The following SHB variants were observed in gnomAD, a reference collection of about 807,000 sequenced individuals.
SHB encodes the protein SH2 domain containing adaptor protein B, also known as SH2 domain-containing adapter protein B.
Under a neutral mutation model 52.3 loss-of-function variants are expected in SHB, and 20 were observed. That is an observed-to-expected ratio of 0.38 (90% confidence interval 0.27 to 0.56). The LOEUF is 0.56. Ranked by LOEUF, SHB falls within the 20% of genes least tolerant of loss-of-function variation. The probability of loss-of-function intolerance (pLI) is 0.71; values close to 1 mark genes in which losing one functional copy is unlikely to be tolerated. For synonymous variants in SHB, 397 were observed against 316.5 expected (o/e 1.25, Z -2.70); for missense variants, 825 against 723.3 (o/e 1.14, Z -1.61).
At chr9:37,962,000 C>T (rs1414748066) in intron 3 of SHB, among the ~76,000 whole-genome samples, 4 of 152,214 alleles carry the variant, frequency 2.6e-5, no homozygotes, top group African/African-American at 4.8e-5. Context: ...AGTGACTCGA[C>T]TCACAGTTTA....
chr9:38,043,135 C>G (rs1366591465), intron 1 of SHB, among the ~76,000 whole-genome samples: 1 of 152,230 alleles, frequency 6.6e-6, no homozygotes, highest in Admixed American at 6.5e-5. Flanking sequence ...CTCCAAGTAG[C>G]CTGCCCAGAT....
At chr9:38,059,709 G>A (rs139788060) in intron 1 of SHB, among the ~76,000 whole-genome samples, 353 of 152,242 alleles carry the variant, frequency 2.3e-3, no homozygotes, top group African/African-American at 8.0e-3. Flanking sequence ...CCTTCCTGTA[G>A]ACTCCAGATT....
At chr9:37,946,054 C>T (rs556515895) in intron 5 of SHB, among the ~76,000 whole-genome samples, 3 of 152,306 alleles carry the variant, frequency 2.0e-5, no homozygotes, top group African/African-American at 7.2e-5. Flanking sequence ...ATAACACTGA[C>T]ACAGCACTGT....
chr9:37,929,370 T>C, intron 5 of SHB, among the ~76,000 whole-genome samples: 1 of 152,230 alleles, frequency 6.6e-6, no homozygotes, highest in East Asian at 1.9e-4. Context: ...TCCAGCTTAA[T>C]GCATTTTTAA....
At position 37,974,578 on chromosome 9, in the gene SHB, C is replaced by G. The variant is rs780539327; in HGVS notation, c.1054+44G>C. The G allele has an allele frequency of 3.2e-6, 5 of 1,546,362 alleles. No homozygotes were observed. The South Asian group carries it at 3.4e-5, about 10-fold the overall frequency. ...GGTGGGGACCAAGGTGAGTGCTGAG[C>G]GCAGCTCAGCAGCTGCCTCCTGAGC... On this transcript the variant is annotated intron_variant, in intron 3 of 5. Transcript: ENST00000377707.
At chr9:38,034,720 G>A (rs781751769) in intron 1 of SHB, among the ~76,000 whole-genome samples, 3 of 152,172 alleles carry the variant, frequency 2.0e-5, no homozygotes, top group Non-Finnish European at 4.4e-5. Context: ...TTATTGAGAC[G>A]CAGTCTCGCT....
At chr9:37,966,599 G>A (rs763647136) in intron 3 of SHB, among the ~76,000 whole-genome samples, 8 of 152,146 alleles carry the variant, frequency 5.3e-5, no homozygotes, top group Admixed American at 6.6e-5. Flanking sequence ...ATAGCAAAAA[G>A]CATTTGGTAC....
intron 2 of SHB, among the ~76,000 whole-genome samples, chr9:37,980,027 T>A (rs2117981741): frequency 6.6e-6 from 1 of 152,324 alleles, no homozygotes; most frequent in South Asian, 2.1e-4. Context: ...CTTGCTTTGA[T>A]GTTGCCGGCT....
chr9:38,053,682 C>G (rs531947185), intron 1 of SHB, among the ~76,000 whole-genome samples: 2 of 152,256 alleles, frequency 1.3e-5, no homozygotes, highest in South Asian at 4.2e-4. Context: ...TAGGTTCACT[C>G]TCTGAGGACC....
At chr9:38,002,803 C>A (rs1028209496) in intron 2 of SHB, among the ~76,000 whole-genome samples, 2 of 152,154 alleles carry the variant, frequency 1.3e-5, no homozygotes, top group African/African-American at 4.8e-5. Context: ...AGTACTAGAT[C>A]CTGCAGACTC....
chr9:38,012,214 G>A (rs1247074916), intron 2 of SHB, among the ~76,000 whole-genome samples: 1 of 152,144 alleles, frequency 6.6e-6, no homozygotes, highest in Non-Finnish European at 1.5e-5. Context: ...TGCCCAAGAC[G>A]GCTATGCTGG....
At chr9:37,950,910 C>T (rs749634664) in intron 4 of SHB, among the ~76,000 whole-genome samples, 2 of 152,224 alleles carry the variant, frequency 1.3e-5, no homozygotes, top group Non-Finnish European at 2.9e-5. Flanking sequence ...CTGCATTTTA[C>T]ATTACATTTC....
At chr9:38,037,473 C>A (rs1053631248) in intron 1 of SHB, among the ~76,000 whole-genome samples, 2 of 152,184 alleles carry the variant, frequency 1.3e-5, no homozygotes, top group Non-Finnish European at 2.9e-5. Context: ...TTCTATCTAA[C>A]CTCCAATGCT....
chr9:38,018,071 A>T (rs1457077959), intron 1 of SHB, among the ~76,000 whole-genome samples: 1 of 152,166 alleles, frequency 6.6e-6, no homozygotes, highest in African/African-American at 2.4e-5. Context: ...GTCTCTCTTC[A>T]ACATGAACAT....
At chr9:37,999,343 A>G (rs759846711) in intron 2 of SHB, among the ~76,000 whole-genome samples, 23 of 152,186 alleles carry the variant, frequency 1.5e-4, no homozygotes, top group Admixed American at 5.2e-4. Context: ...TCTCTCCTGC[A>G]AGGGGTGAAG....
intron 5 of SHB, among the ~76,000 whole-genome samples, chr9:37,934,656 T>C (rs1832348229): frequency 6.6e-6 from 1 of 152,138 alleles, no homozygotes. Flanking sequence ...ACTTGGAAGG[T>C]TTGGAAATGG....
intron 5 of SHB, among the ~76,000 whole-genome samples, chr9:37,941,677 A>G (rs926059401): frequency 2.0e-5 from 3 of 152,196 alleles, no homozygotes; most frequent in Non-Finnish European, 4.4e-5. Flanking sequence ...TGGCTGGGGA[A>G]TACAGTGACC....
rs997060495 is a variant in SHB at position 37,916,950 on chromosome 9, C to T, written c.*2871G>A. Among the ~76,000 whole-genome samples, 4 of 151,772 alleles carry T rather than the reference C, an allele frequency of 2.6e-5. No individual in the cohort carries two copies. The highest frequency in any genetic ancestry group is 4.2e-4 in the South Asian group (2 of 4,802). On this transcript the variant is annotated 3_prime_UTR_variant, in exon 6 of 6. Coordinates refer to ENST00000377707, the MANE Select transcript of SHB (RefSeq NM_003028.3). ...TGCTGGAGGTTCTCAGACAAAATGCCGAGGGCGCGACGTTGTGTGGCAGGA... is the reference window on the plus strand; with the variant it reads ...TGCTGGAGGTTCTCAGACAAAATGCTGAGGGCGCGACGTTGTGTGGCAGGA...
chr9:37,959,698 G>A lies in SHB; in HGVS notation c.1055-3644C>T, dbSNP rs528843147. Among the ~76,000 whole-genome samples the A allele has an allele frequency of 4.6e-5, 7 of 152,176 alleles. No homozygotes were observed. The South Asian group carries it at 8.3e-4, about 18-fold the overall frequency. ...CAACCCAAAAGGCTCTCTAGGACCC[G>A]GCTGCTTGTCCAGCCTCAGGTCCAC... On this transcript the variant is annotated intron_variant, in intron 3 of 5. Transcript: ENST00000377707.
Sources: allele counts gnomAD v4.1 joint callset (sites outside exome capture counted in the v4.1 genomes callset), GRCh38; gene constraint gnomAD v4.1.1; transcripts MANE v1.5; gene names NCBI Gene and HGNC (gene_info 2026-07-23, HGNC 2026-07-21).